The following SYT14 variants were observed in gnomAD, a reference collection of about 807,000 sequenced individuals.
The protein encoded by SYT14 is synaptotagmin-14.
A neutral mutation model predicts 74.2 loss-of-function variants in SYT14; 32 were observed. The observed-to-expected ratio is 0.43, with a 90% CI of 0.33 to 0.58. The LOEUF (loss-of-function observed/expected upper bound fraction) is 0.58. Ranked by LOEUF, SYT14 falls within the 20% of genes least tolerant of loss-of-function variation. The pLI is 0.05. For synonymous variants in SYT14, 298 were observed against 337.7 expected (o/e 0.88, Z 1.29); for missense variants, 791 against 981.8 (o/e 0.81, Z 2.60).
At chr1:210,046,814 T>C (rs890669053) in intron 5 of SYT14, among the ~76,000 whole-genome samples, 1 of 152,212 alleles carries the variant, frequency 6.6e-6, no homozygotes. Context: ...ATAATGCTGC[T>C]ATGAACATTC....
intron 5 of SYT14, among the ~76,000 whole-genome samples, chr1:210,077,396 A>C (rs2081522816): frequency 6.6e-6 from 1 of 152,200 alleles, no homozygotes. Context: ...ATATCTCAGC[A>C]TGAGATTAGG....
At chr1:209,955,569 T>C (rs1200111718) in intron 2 of SYT14, among the ~76,000 whole-genome samples, 1 of 152,236 alleles carries the variant, frequency 6.6e-6, no homozygotes, top group Non-Finnish European at 1.5e-5. Flanking sequence ...GTTTTCTAAC[T>C]GGTTTCCCTA....
At chr1:210,096,207 A>T (rs369971508) in intron 6 of SYT14, among the ~76,000 whole-genome samples, 4 of 152,226 alleles carry the variant, frequency 2.6e-5, no homozygotes, top group East Asian at 3.8e-4. Context: ...GGTCTGTCTG[A>T]CTGCCAAAAC....
intron 5 of SYT14, among the ~76,000 whole-genome samples, chr1:210,041,871 T>C (rs1008273606): frequency 2.6e-5 from 4 of 152,034 alleles, no homozygotes; most frequent in Non-Finnish European, 4.4e-5. Context: ...TTAGGAAAGC[T>C]GCCCTAGGTA....
intron 5 of SYT14, among the ~76,000 whole-genome samples, chr1:210,079,753 C>T (rs1054433468): frequency 3.9e-5 from 6 of 152,052 alleles, no homozygotes; most frequent in Non-Finnish European, 4.4e-5. Context: ...AGAAAGCAAA[C>T]GAATGAGGAA....
At chr1:210,118,036 T>G (rs2082392772) in intron 7 of SYT14, among the ~76,000 whole-genome samples, 1 of 152,216 alleles carries the variant, frequency 6.6e-6, no homozygotes, top group African/African-American at 2.4e-5. Context: ...TTGTTTTCCT[T>G]TGCTGCTCTA....
intron 7 of SYT14, among the ~76,000 whole-genome samples, chr1:210,136,339 A>G (rs2082785827): frequency 6.6e-6 from 1 of 152,188 alleles, no homozygotes; most frequent in African/African-American, 2.4e-5. Context: ...GAACGGGGTC[A>G]GTGATTTTAG....
intron 5 of SYT14, among the ~76,000 whole-genome samples, chr1:210,085,823 G>A (rs1017936532): frequency 2.0e-5 from 3 of 152,070 alleles, no homozygotes; most frequent in Non-Finnish European, 4.4e-5. Flanking sequence ...CTGTGTTCAC[G>A]GGAGAGATTG....
At chr1:210,118,715 G>T (rs2082404821) in intron 7 of SYT14, among the ~76,000 whole-genome samples, 1 of 152,018 alleles carries the variant, frequency 6.6e-6, no homozygotes, top group Non-Finnish European at 1.5e-5. Flanking sequence ...CTGACCTCAG[G>T]TGATCCATCT....
At chr1:210,160,631 C>T in intron 9 of SYT14, 98 bp from the exon 9 acceptor site, 1 of 1,050,718 alleles carries the variant, frequency 9.5e-7, no homozygotes, top group South Asian at 1.5e-5. Flanking sequence ...ACACCATATC[C>T]TTATAAAGTA....
intron 5 of SYT14, among the ~76,000 whole-genome samples, chr1:210,087,187 T>C (rs543830361): frequency 9.9e-5 from 15 of 152,126 alleles, no homozygotes; most frequent in Non-Finnish European, 1.9e-4. Context: ...CTCCACATAG[T>C]TGCCCTCTTC....
exon 10 of SYT14, chr1:210,163,436 CTA>C (rs1415925670): frequency 2.2e-6 from 1 of 453,710 alleles, no homozygotes; most frequent in East Asian, 7.0e-5. Flanking sequence ...TATAAATTAT[CTA>C]TATGAGTGTA....
At chr1:209,939,438 G>C (rs890791939) in intron 1 of SYT14, among the ~76,000 whole-genome samples, 1 of 152,246 alleles carries the variant, frequency 6.6e-6, no homozygotes, top group East Asian at 1.9e-4. Context: ...CCAAAGTAGA[G>C]TTAGCTGTGT....
At chr1:210,053,422 T>C (rs1358915748) in intron 5 of SYT14, among the ~76,000 whole-genome samples, 1 of 152,168 alleles carries the variant, frequency 6.6e-6, no homozygotes, top group Non-Finnish European at 1.5e-5. Context: ...GCCAAGCAAT[T>C]AGGACTGCTT....
chr1:210,027,308 A>C (rs114183125), intron 5 of SYT14, among the ~76,000 whole-genome samples: 4,117 of 152,040 alleles, frequency 0.027, 200 homozygotes, highest in African/African-American at 0.093. Flanking sequence ...TTAATTTCTC[A>C]GGATGCCAAG....
intron 5 of SYT14, among the ~76,000 whole-genome samples, chr1:210,028,034 A>G (rs544885075): frequency 3.9e-5 from 6 of 152,098 alleles, no homozygotes; most frequent in Non-Finnish European, 8.8e-5. Context: ...CTAAACAGAA[A>G]CTTTATACCC....
chr1:210,112,771 G>C, intron 7 of SYT14, among the ~76,000 whole-genome samples: 1 of 151,346 alleles, frequency 6.6e-6, no homozygotes, highest in East Asian at 1.9e-4. Flanking sequence ...CCCTTGCGTA[G>C]TGAGGAAACT....
chr1:209,969,186 G>T (rs373341471), intron 2 of SYT14, among the ~76,000 whole-genome samples: 105 of 152,188 alleles, frequency 6.9e-4, no homozygotes, highest in African/African-American at 2.4e-3. Flanking sequence ...TTGCTATTGT[G>T]AATAATGCTG....
At chr1:210,119,901 AC>A (rs2082425159) in intron 7 of SYT14, among the ~76,000 whole-genome samples, 1 of 152,104 alleles carries the variant, frequency 6.6e-6, no homozygotes, top group East Asian at 1.9e-4. Context: ...GTATGTGAAA[AC>A]CTTTGAACTA....
Sources: allele counts gnomAD v4.1 joint callset (sites outside exome capture counted in the v4.1 genomes callset), GRCh38; gene constraint gnomAD v4.1.1; transcripts MANE v1.5; gene names NCBI Gene and HGNC (gene_info 2026-07-23, HGNC 2026-07-21).